NPFFR2: variants seen among roughly 807,000 people sequenced by gnomAD.
The protein encoded by NPFFR2 is neuropeptide FF receptor 2, also known as G-protein coupled receptor 74.
NPFFR2 carries 15 observed loss-of-function variants against 13.1 expected under a neutral mutation model. That is an observed-to-expected ratio of 1.15 (90% CI 0.77 to 1.76). The LOEUF (loss-of-function observed/expected upper bound fraction) is 1.76, where lower values mean the gene tolerates loss of function less well. Among genes scored for constraint, NPFFR2 ranks in the 40% most tolerant of loss-of-function variants. The pLI is 0.00. For missense variants in NPFFR2, 572 were observed against 503.5 expected (o/e 1.14, Z -1.30); for synonymous variants, 190 against 175.7 (o/e 1.08, Z -0.65).
intron 1 of NPFFR2, among the ~76,000 whole-genome samples, chr4:72,041,195 A>G (rs1276399919): frequency 6.6e-6 from 1 of 151,976 alleles, no homozygotes; most frequent in East Asian, 1.9e-4. Context: ...GCCCATCTTT[A>G]TATCTATGCG....
At chr4:72,096,021 G>A (rs1052386384) in intron 1 of NPFFR2, among the ~76,000 whole-genome samples, 5 of 152,182 alleles carry the variant, frequency 3.3e-5, no homozygotes, top group Admixed American at 6.5e-5. Flanking sequence ...AGGTGAGAGA[G>A]GGAATCCAGT....
At chr4:72,131,044 C>T (rs2109836688) in intron 2 of NPFFR2, among the ~76,000 whole-genome samples, 1 of 151,852 alleles carries the variant, frequency 6.6e-6, no homozygotes, top group African/African-American at 2.4e-5. Context: ...CTCCAATGCC[C>T]AGCTGTTTTT....
intron 1 of NPFFR2, among the ~76,000 whole-genome samples, chr4:72,082,248 C>T (rs1043998984): frequency 6.6e-6 from 1 of 152,098 alleles, no homozygotes; most frequent in East Asian, 1.9e-4. Flanking sequence ...TTAGAAAGAA[C>T]CACTTTCAAG....
At chr4:72,065,454 C>T (rs1211243244) in intron 1 of NPFFR2, among the ~76,000 whole-genome samples, 4 of 152,004 alleles carry the variant, frequency 2.6e-5, no homozygotes, top group Non-Finnish European at 5.9e-5. Flanking sequence ...ACTTTCTTCT[C>T]CAAAAGATTG....
intron 1 of NPFFR2, among the ~76,000 whole-genome samples, chr4:72,094,794 CAGCA>C (rs1721014136): frequency 6.6e-6 from 1 of 152,192 alleles, no homozygotes; most frequent in Non-Finnish European, 1.5e-5. Context: ...ACAGAGCCTG[CAGCA>C]ACAATCCATC....
intron 1 of NPFFR2, among the ~76,000 whole-genome samples, chr4:72,127,605 C>T (rs561466667): frequency 0.026 from 3,780 of 145,444 alleles, 157 homozygotes; most frequent in African/African-American, 0.091. Context: ...CCTCGTGATC[C>T]GCCCGCCTCG....
intron 1 of NPFFR2, among the ~76,000 whole-genome samples, chr4:72,052,446 C>G (rs976398158): frequency 6.7e-6 from 1 of 150,126 alleles, no homozygotes; most frequent in Non-Finnish European, 1.5e-5. Context: ...AATTCAACAA[C>G]CCTTCATGCT....
At chr4:72,118,575 T>C (rs1246650985) in intron 1 of NPFFR2, among the ~76,000 whole-genome samples, 3 of 152,092 alleles carry the variant, frequency 2.0e-5, no homozygotes, top group Non-Finnish European at 2.9e-5. Context: ...TTAAACTCTA[T>C]GTTATTACAA....
intron 1 of NPFFR2, among the ~76,000 whole-genome samples, chr4:72,098,814 C>T (rs1721144259): frequency 6.6e-6 from 1 of 152,160 alleles, no homozygotes; most frequent in African/African-American, 2.4e-5. Flanking sequence ...TGGGCAATTA[C>T]AATATACCGT....
intron 1 of NPFFR2, among the ~76,000 whole-genome samples, chr4:72,100,565 A>G (rs4404516): frequency 4.0e-5 from 6 of 150,414 alleles, no homozygotes; most frequent in Non-Finnish European, 7.4e-5. Flanking sequence ...ACTACTACTA[A>G]TACTAGTACT....
intron 1 of NPFFR2, among the ~76,000 whole-genome samples, chr4:72,069,190 A>G (rs1183803396): frequency 6.6e-6 from 1 of 152,150 alleles, no homozygotes; most frequent in African/African-American, 2.4e-5. Context: ...ATGACTACAG[A>G]TTTTTAAAAG....
intron 1 of NPFFR2, among the ~76,000 whole-genome samples, chr4:72,066,096 G>T (rs1720061842): frequency 1.3e-5 from 2 of 152,206 alleles, no homozygotes; most frequent in Non-Finnish European, 2.9e-5. Flanking sequence ...GGAAGTCCAA[G>T]ATCAAGGAAC....
rs1722574139 is a variant in NPFFR2 at position 72,140,572 on chromosome 4, C to CAT, written c.428+2436_428+2437dup. 5.3e-5 allele frequency among the ~76,000 whole-genome samples: 8 copies of CAT among 152,240 alleles called. No homozygotes were observed. The South Asian group carries it at 1.7e-3, about 32-fold the overall frequency. On this transcript the variant is annotated intron_variant, in intron 3 of 3. Transcript: ENST00000308744. ...GTGATGGCTTACATTTATTGATTTG[C>CAT]ATATGTTGAACCAGCCTTGCATCAC...
intron 1 of NPFFR2, among the ~76,000 whole-genome samples, chr4:72,103,402 G>A (rs894314450): frequency 6.6e-6 from 1 of 152,132 alleles, no homozygotes; most frequent in African/African-American, 2.4e-5. Context: ...CTCCTGCCTT[G>A]TGATGACACG....
At chr4:72,111,440 C>T (rs1269981759) in intron 1 of NPFFR2, among the ~76,000 whole-genome samples, 1 of 152,000 alleles carries the variant, frequency 6.6e-6, no homozygotes. Context: ...GTGTTTACCA[C>T]ATCAGGTACA....
intron 3 of NPFFR2, chr4:72,146,396 G>T (rs1722783005): frequency 6.6e-6 from 1 of 152,128 alleles, no homozygotes; most frequent in Non-Finnish European, 1.5e-5. Context: ...TGTATAAAAA[G>T]CTTCTGCTTG....
In NPFFR2 at chr4:72,144,637, G is replaced by A. The variant is rs770788982; in HGVS notation, c.429-2341G>A. ...ACTTCAACTGCACATTCAACAAAAGGCACCTTAAATTAAACATGCCCAGAG... is the reference window on the plus strand; with the variant it reads ...ACTTCAACTGCACATTCAACAAAAGACACCTTAAATTAAACATGCCCAGAG... On this transcript the variant is annotated intron_variant, in intron 3 of 3. Transcript: ENST00000308744. Among the ~76,000 whole-genome samples, 59 of 151,930 alleles carry A rather than the reference G, an allele frequency of 3.9e-4. 1 individual carries two copies. Among genetic ancestry groups the A allele is most frequent in the Non-Finnish European group, 1.3e-4 (9 of 68,000 alleles).
rs750468091 is a variant in NPFFR2, at chr4:72,128,667, C to G, written c.76C>G (p.Leu26Val). 6.2e-7 allele frequency: 1 copy of G among 1,613,788 alleles called. No individual in the cohort carries two copies. Among genetic ancestry groups the G allele is most frequent in the Non-Finnish European group, 8.5e-7 (1 of 1,179,680 alleles). Residue 26 changes from leucine (L) to valine (V), a missense_variant, in exon 2 of 4, where the codon CTG becomes GTG. Physicochemically the swap from Leu to Val is conservative, Grantham distance 32. Transcript: ENST00000308744. ...IWNVNDTKHH[L>V]YSDINITYVN... is the part of the protein sequence containing the mutation. ...GAATGTCAATGACACAAAGCATCAT[C>G]TGTACTCAGATATTAATATTACCTA...
intron 1 of NPFFR2, among the ~76,000 whole-genome samples, chr4:72,034,703 CTTTGAT>C (rs1719000397): frequency 6.6e-6 from 1 of 152,134 alleles, no homozygotes; most frequent in Non-Finnish European, 1.5e-5. Context: ...CTCTGTTTCC[CTTTGAT>C]TTTAAGTTCC....
Sources: allele counts gnomAD v4.1 joint callset (sites outside exome capture counted in the v4.1 genomes callset), GRCh38; gene constraint gnomAD v4.1.1; transcripts MANE v1.5; gene names NCBI Gene and HGNC (gene_info 2026-07-23, HGNC 2026-07-21).